TNRC18: variants seen among roughly 807,000 people sequenced by gnomAD.
TNRC18 encodes trinucleotide repeat-containing gene 18 protein.
In TNRC18, 69 loss-of-function variants were observed where a neutral mutation model predicts 226.7. That is an observed-to-expected ratio of 0.30 (90% CI 0.25 to 0.37). TNRC18 has a LOEUF of 0.37. TNRC18 is among the 10% of genes least tolerant of loss of function. The pLI is 1.00. For missense variants in TNRC18, 4,754 were observed against 4,256.6 expected, an observed-to-expected ratio of 1.12 and a Z score of -3.25; for synonymous variants, 2,449 against 1,927.6, an observed-to-expected ratio of 1.27 and a Z score of -7.09.
At chr7:5,317,590 C>CA (rs200881717) in intron 24 of TNRC18, among the ~76,000 whole-genome samples, 1,924 of 139,048 alleles carry the variant, frequency 0.014, 38 homozygotes, top group African/African-American at 0.049. Context: ...GACTCTGTCT[C>CA]AAAAAAAAAT....
rs1373250861 is a variant in TNRC18 at position 5,388,897 on chromosome 7, G to C, written c.927C>G (p.Ala309=). 1 of 1,359,150 alleles carries C rather than the reference G, an allele frequency of 7.4e-7. No individual in the cohort carries two copies. Among genetic ancestry groups the C allele is most frequent in the East Asian group, 4.0e-5 (1 of 25,118 alleles). 84.2% of individuals were successfully genotyped at this position (1,359,150 alleles called of 1,614,324 possible). A position where few individuals can be genotyped will look rare whatever the true frequency, so the allele number is the denominator to read the frequency against. The change falls in exon 5 of 30, where the codon GCC becomes GCG. Residue 309 remains alanine (A), a synonymous_variant. Coordinates refer to ENST00000430969, the MANE Select transcript of TNRC18 (RefSeq NM_001080495.3). ...GCAGCCGCGCGCCCTCGTCCTGCCG[G>C]GCAGCCTCCTTGGCACCCCCGCGCC... The part of the protein sequence containing the change: ...EAGRGGAKEA[A]RQDEGARLLR...
chr7:5,402,401 G>A (rs1175110995), intron 2 of TNRC18, among the ~76,000 whole-genome samples: 1 of 151,838 alleles, frequency 6.6e-6, no homozygotes, highest in Non-Finnish European at 1.5e-5. Flanking sequence ...CATGCATGGC[G>A]GTGTGGGCCT....
chr7:5,324,464 C>CT lies in TNRC18; in HGVS notation c.6301-110dup. 6.9e-7 allele frequency: 1 copy of CT among 1,441,104 alleles called. No individual in the cohort carries two copies. Among genetic ancestry groups the CT allele is most frequent in the Admixed American group, 1.9e-5 (1 of 52,016 alleles). 89.3% of individuals were successfully genotyped at this position (1,441,104 alleles called of 1,614,324 possible). ...GCCACAGTCAGGCCGCAGGGGGAAT[C>CT]TGTCATGTGCATGGCAGGGATCCCA... is the stretch of plus-strand genomic sequence containing the variant. On this transcript the variant is annotated intron_variant, in intron 20 of 29. Coordinates refer to ENST00000430969, the MANE Select transcript of TNRC18 (RefSeq NM_001080495.3). This position sits in a 1 kb window ranked among gnomAD's most constrained non-coding sequence, Gnocchi z 4.8.
In TNRC18 at chr7:5,312,551, G is replaced by A; in HGVS notation, c.8340C>T (p.Ala2780=). The A allele has an allele frequency of 6.2e-7, 1 of 1,611,442 alleles. No individual in the cohort carries two copies. ...TCCAGAGCTGCCGGGCTGGCAGGAA[G>A]GCGGCGATCTTGGGCCGGTTCTCCA... ...PSVENRPKIA[A]FLPARQLWKW... Residue 2780 remains alanine, a synonymous_variant, in exon 27 of 30, where the codon GCC becomes GCT. Transcript: ENST00000430969. This position sits in a 1 kb window ranked among gnomAD's most constrained non-coding sequence, Gnocchi z 6.3.
Position 5,416,789 on chromosome 7 carries a change from C to T in TNRC18, c.187+4271G>A, listed in dbSNP as rs376694295. Among the ~76,000 whole-genome samples, 5 of 150,254 alleles carry T rather than the reference C, an allele frequency of 3.3e-5. No homozygotes were observed. The East Asian group carries it at 9.8e-4, about 29-fold the overall frequency. On this transcript the variant is annotated intron_variant, in intron 2 of 29. Coordinates refer to ENST00000430969, the MANE Select transcript of TNRC18 (RefSeq NM_001080495.3). The stretch of plus-strand genomic sequence containing the variant: ...GGAGGATCTCCTGAGCCCAGGAGTT[C>T]GAGACCAGCTGGACAACATAGCAAG...
intron 2 of TNRC18, among the ~76,000 whole-genome samples, chr7:5,411,151 G>A (rs1487788591): frequency 6.7e-6 from 1 of 150,248 alleles, no homozygotes; most frequent in African/African-American, 2.4e-5. Context: ...AGGAGGTGGA[G>A]GTTGCAATGA....
chr7:5,374,167 TGGGGAGGCGGGCGGC>T lies in TNRC18; in HGVS notation c.3102_3116del (p.Ala1037_Pro1041del), dbSNP rs760177101. On this transcript the variant is annotated inframe_deletion, in exon 10 of 30. Transcript: ENST00000430969. ...TGCGGGTGATACCCGGGGTGGGCGGTGGGGAGGCGGGCGGCGGGCTGGTGGGGTGGGAGCTGGGGG... is the reference window on the plus strand; with the variant it reads ...TGCGGGTGATACCCGGGGTGGGCGGTGGGCTGGTGGGGTGGGAGCTGGGGG... The T allele has an allele frequency of 7.6e-5, 33 of 432,270 alleles. No individual in the cohort carries two copies. The African/African-American group carries it at 2.9e-3, about 38-fold the overall frequency. The allele number at this position is 432,270 out of a possible 1,614,324, so 26.8% of individuals were successfully genotyped here.
At chr7:5,315,932 G>A (rs372724081) in intron 25 of TNRC18, 24 bp downstream of exon 25, 28 of 1,525,904 alleles carry the variant, frequency 1.8e-5, no homozygotes, top group African/African-American at 1.0e-4. Flanking sequence ...GCAGGAGACC[G>A]GGTGTCATGA....
chr7:5,420,389 C>CT (rs1480450421), intron 2 of TNRC18: 4 of 456,096 alleles, frequency 8.8e-6, no homozygotes, highest in Admixed American at 2.3e-5. Context: ...TCCGCACCCT[C>CT]TTTCGCGCTG....
Position 5,351,914 on chromosome 7 carries a change from G to T in TNRC18, c.5375C>A (p.Pro1792Gln), listed in dbSNP as rs376800466. ...LAAPRTLKPKPATSRKQPFCL... is the reference protein window; with the variant it reads ...LAAPRTLKPKQATSRKQPFCL... ...AAACGGCTGCTTCCTGCTGGTGGCCGGCTTGGGTTTCAGAGTCCGGGGGGC... is the reference window on the plus strand; with the variant it reads ...AAACGGCTGCTTCCTGCTGGTGGCCTGCTTGGGTTTCAGAGTCCGGGGGGC... The change falls in exon 17 of 30, where the codon CCG (proline) becomes CAG (glutamine). Residue 1792 changes from proline (P) to glutamine (Q), a missense_variant. Physicochemically the swap from Pro to Gln is moderately conservative, Grantham distance 76. Coordinates refer to ENST00000430969, the MANE Select transcript of TNRC18 (RefSeq NM_001080495.3). 6.2e-7 allele frequency: 1 copy of T among 1,613,712 alleles called. No individual in the cohort carries two copies. Among genetic ancestry groups the T allele is most frequent in the Non-Finnish European group, 8.5e-7 (1 of 1,179,822 alleles).
chr7:5,328,884 G>A (rs1427222957), intron 19 of TNRC18, among the ~76,000 whole-genome samples: 1 of 152,132 alleles, frequency 6.6e-6, no homozygotes, highest in African/African-American at 2.4e-5. Flanking sequence ...CCTACTCAGA[G>A]GAGACTGAGG....
intron 18 of TNRC18, among the ~76,000 whole-genome samples, chr7:5,337,336 A>G (rs762116015): frequency 6.6e-6 from 1 of 152,098 alleles, no homozygotes; most frequent in African/African-American, 2.4e-5. Flanking sequence ...GAACACTAAG[A>G]GGCCGGGCAT....
At chr7:5,335,653 G>GCT (rs1790027329) in intron 18 of TNRC18, among the ~76,000 whole-genome samples, 1 of 149,824 alleles carries the variant, frequency 6.7e-6, no homozygotes, top group Admixed American at 6.7e-5. Context: ...AGGTCCCCAT[G>GCT]CTCTCTCTCT....
chr7:5,332,308 C>A (rs1789603767), intron 19 of TNRC18, among the ~76,000 whole-genome samples: 1 of 152,160 alleles, frequency 6.6e-6, no homozygotes, highest in South Asian at 2.1e-4. Context: ...TGACATGTGT[C>A]TGAAGATCCA....
intron 2 of TNRC18, among the ~76,000 whole-genome samples, chr7:5,395,258 AAT>A (rs949397476): frequency 6.6e-5 from 10 of 152,244 alleles, no homozygotes; most frequent in African/African-American, 2.4e-4. Context: ...TTAGGGAATG[AAT>A]CCGTGATGAA....
chr7:5,312,275 G>A lies in TNRC18; in HGVS notation c.8388+228C>T, dbSNP rs1408595974. Reference sequence around the variant, plus strand: ...GTGGCTCTGCGTCCCGGGACCAGAGGGCAGGACCACTCTGCTCTGAAGGAC... The same window carrying A: ...GTGGCTCTGCGTCCCGGGACCAGAGAGCAGGACCACTCTGCTCTGAAGGAC... On this transcript the variant is annotated intron_variant, in intron 27 of 29. Transcript: ENST00000430969. The surrounding 1 kb of genome is among the most constrained non-coding windows in gnomAD (Gnocchi z 6.3). Among the ~76,000 whole-genome samples the A allele has an allele frequency of 5.3e-5, 8 of 152,216 alleles. No individual in the cohort carries two copies. The highest frequency in any genetic ancestry group is 4.1e-4 in the South Asian group (2 of 4,832).
At chr7:5,357,703 G>C (rs1792593303) in intron 15 of TNRC18, among the ~76,000 whole-genome samples, 2 of 152,112 alleles carry the variant, frequency 1.3e-5, no homozygotes, top group Admixed American at 1.3e-4. Context: ...TGCCCAGGCT[G>C]GTCTCAAACT....
chr7:5,326,358 C>T (rs1039485702), intron 19 of TNRC18, among the ~76,000 whole-genome samples: 7 of 152,198 alleles, frequency 4.6e-5, no homozygotes, highest in African/African-American at 1.4e-4. Context: ...GCCTATTGAG[C>T]CAAGGTATGG....
chr7:5,391,169 C>G (rs942422688), intron 3 of TNRC18, among the ~76,000 whole-genome samples: 1 of 151,978 alleles, frequency 6.6e-6, no homozygotes, highest in Non-Finnish European at 1.5e-5. Flanking sequence ...TCAGCGGACC[C>G]AGCATCTTCA....
Sources: allele counts gnomAD v4.1 joint callset (sites outside exome capture counted in the v4.1 genomes callset), GRCh38; gene constraint gnomAD v4.1.1; non-coding constraint Gnocchi (gnomAD v3.1); transcripts MANE v1.5; gene names NCBI Gene and HGNC (gene_info 2026-07-23, HGNC 2026-07-21).